Variants in HTR2A observed in about 807,000 individuals in gnomAD.
The protein encoded by HTR2A is 5-HT2 receptor.
Under a neutral mutation model 31.0 loss-of-function variants are expected in HTR2A, and 14 were observed. The observed-to-expected ratio is 0.45, with a 90% CI of 0.30 to 0.71. The LOEUF is 0.71. HTR2A is among the 30% of genes least tolerant of loss of function. HTR2A has a pLI of 0.09. For synonymous variants in HTR2A, 209 were observed against 225.2 expected (o/e 0.93, Z 0.64); for missense variants, 442 against 573.3 (o/e 0.77, Z 2.34).
At chr13:46,881,931 T>C (rs1490829913) in intron 3 of HTR2A, among the ~76,000 whole-genome samples, 1 of 152,120 alleles carries the variant, frequency 6.6e-6, no homozygotes, top group African/African-American at 2.4e-5. Context: ...CATAGGAAAA[T>C]ATATTTTGCT....
chr13:46,835,758 A>G (rs753905352), intron 3 of HTR2A, 119 bp from the exon 4 acceptor site: 190 of 734,626 alleles, frequency 2.6e-4, no homozygotes, highest in Non-Finnish European at 3.7e-4. Flanking sequence ...AAAGCTTAAC[A>G]TACTTTGAGA....
chr13:46,855,996 G>T (rs1159709843), intron 3 of HTR2A: 5 of 152,190 alleles, frequency 3.3e-5, no homozygotes, highest in Non-Finnish European at 7.3e-5. Flanking sequence ...TTCCAAAATA[G>T]TAAGATTAGA....
At chr13:46,861,533 C>T (rs1950778417) in intron 3 of HTR2A, among the ~76,000 whole-genome samples, 1 of 152,182 alleles carries the variant, frequency 6.6e-6, no homozygotes. Context: ...TAGATTGTCT[C>T]CCTCACCTTC....
At chr13:46,854,946 TATAAAAAG>T (rs1566305999) in intron 3 of HTR2A, among the ~76,000 whole-genome samples, 1 of 152,082 alleles carries the variant, frequency 6.6e-6, no homozygotes, top group African/African-American at 2.4e-5. Flanking sequence ...CGACTGAACT[TATAAAAAG>T]AGAAAAAATT....
intron 3 of HTR2A, among the ~76,000 whole-genome samples, chr13:46,879,916 G>A (rs375427666): frequency 5.9e-5 from 9 of 152,124 alleles, no homozygotes; most frequent in Admixed American, 5.9e-4. Flanking sequence ...GAGGTGGGAG[G>A]ATCGCTTGAG....
At position 46,833,010 on chromosome 13, in the gene HTR2A, C is replaced by T. The variant is rs1210968594; in HGVS notation, c.*1827G>A. On this transcript the variant is annotated 3_prime_UTR_variant, in exon 4 of 4. Coordinates refer to ENST00000542664, the MANE Select transcript of HTR2A (RefSeq NM_000621.5). ...TTTCAATGAAATATTATAATATCTG[C>T]TTTTCTATTAGGGAGCCCAGTGTCA... 6.6e-6 allele frequency: 1 copy of T among 151,976 alleles called. No homozygotes were observed. Among genetic ancestry groups the T allele is most frequent in the Non-Finnish European group, 1.5e-5 (1 of 68,000 alleles). The allele number at this position is 151,976 out of a possible 1,614,324, so 9.4% of individuals were successfully genotyped here.
intron 3 of HTR2A, chr13:46,853,884 G>GT (rs1390035692): frequency 1.3e-5 from 2 of 152,068 alleles, no homozygotes; most frequent in Admixed American, 6.5e-5. Context: ...TTTCCCAGAG[G>GT]TTTTTTGCAG....
At chr13:46,874,253 A>G (rs1950888388) in intron 3 of HTR2A, among the ~76,000 whole-genome samples, 3 of 152,154 alleles carry the variant, frequency 2.0e-5, no homozygotes, top group African/African-American at 7.2e-5. Context: ...AAAAGCTACT[A>G]TGGGGATGAT....
intron 3 of HTR2A, among the ~76,000 whole-genome samples, chr13:46,856,984 G>A (rs1379302367): frequency 6.6e-6 from 1 of 152,114 alleles, no homozygotes; most frequent in East Asian, 1.9e-4. Flanking sequence ...AACTGCCACA[G>A]CCTAGGTGGC....
intron 2 of HTR2A, among the ~76,000 whole-genome samples, chr13:46,894,043 T>A (rs954440403): frequency 6.6e-6 from 1 of 152,242 alleles, no homozygotes; most frequent in East Asian, 1.9e-4. Flanking sequence ...GGAACAGATG[T>A]CGGCCCTCGG....
At chr13:46,882,449 T>C (rs1950974396) in intron 3 of HTR2A, among the ~76,000 whole-genome samples, 1 of 152,208 alleles carries the variant, frequency 6.6e-6, no homozygotes, top group Admixed American at 6.5e-5. Context: ...TTAGATCACG[T>C]GTTAATTTCT....
At position 46,835,221 on chromosome 13, in the gene HTR2A, G is replaced by C; in HGVS notation, c.1032C>G (p.Ile344Met). The C allele has an allele frequency of 1.9e-6, 3 of 1,614,122 alleles. No homozygotes were observed. Among genetic ancestry groups the C allele is most frequent in the Non-Finnish European group, 2.5e-6 (3 of 1,180,018 alleles). Residue 344 changes from isoleucine (I) to methionine (M), a missense_variant, in exon 4 of 4, where the codon ATC becomes ATG. This residue lies in a region of HTR2A where 174 missense variants were observed against 195.1 expected (regional missense o/e 0.89). Coordinates refer to ENST00000542664, the MANE Select transcript of HTR2A (RefSeq NM_000621.5). ...VMWCPFFITN[I>M]MAVICKESCN... is the part of the protein sequence containing the mutation. The stretch of plus-strand genomic sequence containing the variant: ...AGGACTCTTTGCAGATGACGGCCAT[G>C]ATGTTTGTGATGAAGAAAGGGCACC...
At chr13:46,871,978 G>A (rs994223382) in intron 3 of HTR2A, among the ~76,000 whole-genome samples, 9 of 152,144 alleles carry the variant, frequency 5.9e-5, no homozygotes, top group Admixed American at 1.3e-4. Context: ...TACTTTAGTC[G>A]TATCTTTTAT....
At chr13:46,880,016 A>AG (rs1292342222) in intron 3 of HTR2A, among the ~76,000 whole-genome samples, 2 of 151,860 alleles carry the variant, frequency 1.3e-5, no homozygotes, top group African/African-American at 4.8e-5. Flanking sequence ...AAAACAAAAA[A>AG]AAATCCAAGA....
chr13:46,861,904 C>T (rs1950781325), intron 3 of HTR2A, among the ~76,000 whole-genome samples: 1 of 152,184 alleles, frequency 6.6e-6, no homozygotes, highest in African/African-American at 2.4e-5. Context: ...TTCCTCATGC[C>T]TCTCTATATG....
chr13:46,848,997 T>G (rs935952590), intron 3 of HTR2A, among the ~76,000 whole-genome samples: 1 of 152,194 alleles, frequency 6.6e-6, no homozygotes, highest in South Asian at 2.1e-4. Context: ...TAATAAGTAA[T>G]GAACAACTGA....
At chr13:46,878,271 A>AC (rs1303014724) in intron 3 of HTR2A, among the ~76,000 whole-genome samples, 1 of 152,152 alleles carries the variant, frequency 6.6e-6, no homozygotes, top group Admixed American at 6.5e-5. Flanking sequence ...AAACAAAAGA[A>AC]CCACTCAACT....
intron 2 of HTR2A, among the ~76,000 whole-genome samples, chr13:46,893,483 C>T (rs1198428467): frequency 1.3e-5 from 2 of 152,190 alleles, no homozygotes; most frequent in African/African-American, 4.8e-5. Flanking sequence ...GGCTGCACAT[C>T]AGTATCAGCT....
At chr13:46,868,155 T>A (rs1051110938) in intron 3 of HTR2A, among the ~76,000 whole-genome samples, 4 of 152,228 alleles carry the variant, frequency 2.6e-5, no homozygotes, top group African/African-American at 9.6e-5. Flanking sequence ...TAGGAATACC[T>A]TTTCCCTAGA....
Sources: allele counts gnomAD v4.1 joint callset (sites outside exome capture counted in the v4.1 genomes callset), GRCh38; gene constraint gnomAD v4.1.1; regional missense constraint gnomAD v4.1.1; transcripts MANE v1.5; gene names NCBI Gene and HGNC (gene_info 2026-07-23, HGNC 2026-07-21).